Variants in PTPRD observed in about 807,000 individuals in gnomAD.
PTPRD encodes receptor-type tyrosine-protein phosphatase delta.
PTPRD carries 34 observed loss-of-function variants against 214.5 expected under a neutral mutation model. The observed-to-expected ratio is 0.16, with a 90% CI of 0.12 to 0.21. The LOEUF is 0.21. Among genes scored for constraint, PTPRD ranks in the 10% least tolerant of loss-of-function variants. The pLI is 1.00. For missense variants in PTPRD, 2,545 were observed against 2,398.7 expected, an observed-to-expected ratio of 1.06 and a Z score of -1.27; for synonymous variants, 1,128 against 845.7, an observed-to-expected ratio of 1.33 and a Z score of -5.79.
At chr9:10,597,345 C>T (rs2076859749) in intron 2 of PTPRD, among the ~76,000 whole-genome samples, 1 of 151,630 alleles carries the variant, frequency 6.6e-6, no homozygotes, top group Non-Finnish European at 1.5e-5. Context: ...TCAAAAGGAA[C>T]TTTATAACAA....
In PTPRD at chr9:9,228,717, G is replaced by A. The variant is rs569857905; in HGVS notation, c.-202-45354C>T. ...CATAGAGTTACTATGGAGATTAAAC[G>A]TCATTATGTATTTCAAATGCCTAGC... On this transcript the variant is annotated intron_variant, in intron 9 of 45. Coordinates refer to ENST00000381196, the MANE Select transcript of PTPRD (RefSeq NM_002839.4). 3.2e-4 allele frequency among the ~76,000 whole-genome samples: 49 copies of A among 152,194 alleles called. 1 individual carries two copies. Among genetic ancestry groups the A allele is most frequent in the South Asian group, 2.7e-3 (13 of 4,820 alleles).
intron 37 of PTPRD, among the ~76,000 whole-genome samples, chr9:8,383,287 T>A (rs2085772650): frequency 6.6e-6 from 1 of 152,174 alleles, no homozygotes. Flanking sequence ...AAGGTGACAT[T>A]CAAGGACTGG....
At position 8,713,651 on chromosome 9, in the gene PTPRD, G is replaced by C. The variant is rs941140589; in HGVS notation, c.64+20129C>G. 3.3e-6 allele frequency: 5 copies of C among 1,521,950 alleles called. No individual in the cohort carries two copies. The African/African-American group carries it at 6.8e-5, about 21-fold the overall frequency. 94.3% of individuals were successfully genotyped at this position (1,521,950 alleles called of 1,614,324 possible). ...GTCACCCAGTGCTACCGAGACATGG[G>C]CGCCCGGCACCGCGCCCGGGCCCAC... On this transcript the variant is annotated intron_variant, in intron 12 of 45. Coordinates refer to ENST00000381196, the MANE Select transcript of PTPRD (RefSeq NM_002839.4).
In PTPRD at chr9:8,948,543, T is replaced by TTTA. The variant is rs2099084319; in HGVS notation, c.-104+70153_-104+70154insTAA. 4.5e-4 allele frequency among the ~76,000 whole-genome samples: 14 copies of TTTA among 31,188 alleles called. 3 individuals carry two copies. The highest frequency in any genetic ancestry group is 8.8e-5 in the African/African-American group (1 of 11,416). 20.5% of individuals were successfully genotyped at this position (31,188 alleles called of 152,430 possible). A position where few individuals can be genotyped will look rare whatever the true frequency, so the allele number is the denominator to read the frequency against. ...TTTATATATATATTTATATATATAT[T>TTTA]TATATATATTTATATATATTTATAT... is the stretch of plus-strand genomic sequence containing the variant. On this transcript the variant is annotated intron_variant, in intron 11 of 45. Coordinates refer to ENST00000381196, the MANE Select transcript of PTPRD (RefSeq NM_002839.4).
At chr9:10,054,823 T>A (rs1589841201) in intron 3 of PTPRD, among the ~76,000 whole-genome samples, 1 of 152,274 alleles carries the variant, frequency 6.6e-6, no homozygotes, top group South Asian at 2.1e-4. Context: ...AAAGTCATCC[T>A]GGCCCTTATA....
chr9:10,054,774 G>A (rs2097592711), intron 3 of PTPRD, among the ~76,000 whole-genome samples: 1 of 152,082 alleles, frequency 6.6e-6, no homozygotes, highest in Non-Finnish European at 1.5e-5. Context: ...TTTTAGTAAA[G>A]TTGAATACAG....
intron 11 of PTPRD, among the ~76,000 whole-genome samples, chr9:8,968,309 A>T (rs1288140484): frequency 2.1e-4 from 32 of 152,086 alleles, no homozygotes. Context: ...TTCTAGTTCT[A>T]GGTCCTTAAG....
intron 10 of PTPRD, among the ~76,000 whole-genome samples, chr9:9,081,562 G>T (rs1337142315): frequency 6.6e-6 from 1 of 152,172 alleles, no homozygotes; most frequent in South Asian, 2.1e-4. Context: ...TTAATTTTCT[G>T]TCTCGTTGAT....
intron 12 of PTPRD, among the ~76,000 whole-genome samples, chr9:8,641,730 T>C (rs1299284590): frequency 6.6e-6 from 1 of 152,196 alleles, no homozygotes; most frequent in African/African-American, 2.4e-5. Flanking sequence ...TAGATTATTA[T>C]TTGCTACACA....
intron 5 of PTPRD, among the ~76,000 whole-genome samples, chr9:9,906,402 C>T (rs1321249315): frequency 6.6e-6 from 1 of 151,854 alleles, no homozygotes; most frequent in African/African-American, 2.4e-5. Flanking sequence ...CTACACTATA[C>T]AGATAATCAT....
chr9:8,992,328 T>C (rs1371308285), intron 11 of PTPRD, among the ~76,000 whole-genome samples: 1 of 152,200 alleles, frequency 6.6e-6, no homozygotes, highest in African/African-American at 2.4e-5. Context: ...ACTTACATTA[T>C]ACTACTAAAA....
intron 10 of PTPRD, among the ~76,000 whole-genome samples, chr9:9,178,478 G>A (rs1032257934): frequency 2.2e-4 from 34 of 151,786 alleles, no homozygotes; most frequent in African/African-American, 7.5e-4. Context: ...TTATTATCTT[G>A]GGCAGGACAT....
intron 11 of PTPRD, among the ~76,000 whole-genome samples, chr9:8,785,885 A>T (rs1256621156): frequency 6.6e-6 from 1 of 152,272 alleles, no homozygotes; most frequent in Non-Finnish European, 1.5e-5. Flanking sequence ...GATGGTTTTT[A>T]AAAGTTTCTA....
intron 9 of PTPRD, among the ~76,000 whole-genome samples, chr9:9,312,407 G>T (rs1023197352): frequency 6.6e-6 from 1 of 152,116 alleles, no homozygotes; most frequent in Admixed American, 6.6e-5. Flanking sequence ...GCATGTCTTT[G>T]AATAACATCA....
rs144415869 is a variant in PTPRD at position 8,653,057 on chromosome 9, T to G, written c.65-16213A>C. 3.0e-3 allele frequency among the ~76,000 whole-genome samples: 456 copies of G among 152,310 alleles called. 2 individuals carry two copies. Among genetic ancestry groups the G allele is most frequent in the East Asian group, 0.019 (96 of 5,176 alleles). On this transcript the variant is annotated intron_variant, in intron 12 of 45. Coordinates refer to ENST00000381196, the MANE Select transcript of PTPRD (RefSeq NM_002839.4). Reference sequence around the variant, plus strand: ...GCTTTAAAGCTCTCTGTAGCACCTTTGTTCAATTTTACTGTCTGAAGTTTT... The same window carrying G: ...GCTTTAAAGCTCTCTGTAGCACCTTGGTTCAATTTTACTGTCTGAAGTTTT...
intron 11 of PTPRD, among the ~76,000 whole-genome samples, chr9:8,951,334 T>G (rs2154305283): frequency 6.6e-6 from 1 of 151,484 alleles, no homozygotes; most frequent in East Asian, 2.0e-4. Context: ...TTTTTTTTTT[T>G]TTTTCAGTCC....
intron 3 of PTPRD, among the ~76,000 whole-genome samples, chr9:10,184,829 G>C (rs137996614): frequency 6.6e-6 from 1 of 152,182 alleles, no homozygotes; most frequent in East Asian, 1.9e-4. Flanking sequence ...AAAACCCTTG[G>C]TGTCCTGTTT....
chr9:8,910,882 A>T (rs2098742089), intron 11 of PTPRD, among the ~76,000 whole-genome samples: 1 of 152,248 alleles, frequency 6.6e-6, no homozygotes, highest in East Asian at 1.9e-4. Context: ...CTCAGAAATA[A>T]ATTGAACAAA....
chr9:8,317,772 C>T lies in PTPRD; in HGVS notation c.*102G>A, dbSNP rs1049677443. 2.0e-6 allele frequency: 2 copies of T among 977,728 alleles called. No homozygotes were observed. Among genetic ancestry groups the T allele is most frequent in the Non-Finnish European group, 1.6e-6 (1 of 625,528 alleles). The allele number at this position is 977,728 out of a possible 1,614,324, so 60.6% of individuals were successfully genotyped here. A position where few individuals can be genotyped will look rare whatever the true frequency, so the allele number is the denominator to read the frequency against. ...AATAGTCCCACTAAGTAGTTGTTAGCTAGAAGTTAAGAAGGACTTCTCAAG... is the reference window on the plus strand; with the variant it reads ...AATAGTCCCACTAAGTAGTTGTTAGTTAGAAGTTAAGAAGGACTTCTCAAG... On this transcript the variant is annotated 3_prime_UTR_variant, in exon 46 of 46. Coordinates refer to ENST00000381196, the MANE Select transcript of PTPRD (RefSeq NM_002839.4).
Sources: allele counts gnomAD v4.1 joint callset (sites outside exome capture counted in the v4.1 genomes callset), GRCh38; gene constraint gnomAD v4.1.1; transcripts MANE v1.5; gene names NCBI Gene and HGNC (gene_info 2026-07-23, HGNC 2026-07-21).